Variants in UBR1 observed in about 807,000 individuals in gnomAD.
UBR1 encodes the protein E3 ubiquitin-protein ligase UBR1.
A neutral mutation model predicts 242.1 loss-of-function variants in UBR1; 102 were observed. The ratio of observed to expected loss-of-function variants is 0.42; its 90% CI spans 0.36 to 0.50. The LOEUF is 0.50. Ranked by LOEUF, UBR1 falls within the 20% of genes least tolerant of loss-of-function variation. The probability of loss-of-function intolerance (pLI) is 0.01; values close to 1 mark genes in which losing one functional copy is unlikely to be tolerated. For missense variants in UBR1, 1,772 were observed against 2,101.8 expected, an observed-to-expected ratio of 0.84 and a Z score of 3.07; for synonymous variants, 675 against 684.8, an observed-to-expected ratio of 0.99 and a Z score of 0.22.
chr15:43,014,550 G>A (rs544565571), intron 29 of UBR1, among the ~76,000 whole-genome samples: 79 of 150,682 alleles, frequency 5.2e-4, no homozygotes. Context: ...TCTGGGATGT[G>A]AGTGCCTCTG....
chr15:43,077,670 A>AT (rs1204280845), intron 3 of UBR1, among the ~76,000 whole-genome samples: 49 of 151,592 alleles, frequency 3.2e-4, no homozygotes, highest in African/African-American at 1.1e-3. Context: ...TCTGAGAAAA[A>AT]AAAAAATAAA....
rs62020698 is a variant in UBR1 at position 42,945,216 on chromosome 15, C to T, written c.*113G>A. On this transcript the variant is annotated 3_prime_UTR_variant, in exon 47 of 47. Transcript: ENST00000290650. ...TTTTATTGATGTAAGTGAACCTGGA[C>T]ATGGAGCAAAAGACCCTCCAATACT... 109,050 of 1,415,250 alleles carry T rather than the reference C, an allele frequency of 0.077. 4,942 individuals carry two copies. The highest frequency in any genetic ancestry group is 0.092 in the Non-Finnish European group (93,221 of 1,013,892). 87.7% of individuals were successfully genotyped at this position (1,415,250 alleles called of 1,614,324 possible). A position where few individuals can be genotyped will look rare whatever the true frequency, so the allele number is the denominator to read the frequency against.
At position 43,008,642 on chromosome 15, in the gene UBR1, T is replaced by C. The variant is rs557553695; in HGVS notation, c.3210-1358A>G. The stretch of plus-strand genomic sequence containing the variant: ...GAATGGCCTGAAGCCTGGGGACCGG[T>C]ATGTCAGTTACAGGTGGAATCCACA... On this transcript the variant is annotated intron_variant, in intron 29 of 46. Transcript: ENST00000290650. 1.3e-3 allele frequency among the ~76,000 whole-genome samples: 203 copies of C among 152,310 alleles called. 1 individual carries two copies. The highest frequency in any genetic ancestry group is 2.3e-3 in the Non-Finnish European group (159 of 68,020).
chr15:43,029,125 G>GCACACACACACACACACACA lies in UBR1; in HGVS notation c.2379+818_2379+819insTGTGTGTGTGTGTGTGTGTG, dbSNP rs144923922. On this transcript the variant is annotated intron_variant, in intron 21 of 46. Coordinates refer to ENST00000290650, the MANE Select transcript of UBR1 (RefSeq NM_174916.3). ...TAAATAAAAACAAATACACACACAC[G>GCACACACACACACACACACA]CACACACACACACATCTCTATTCTA... Among the ~76,000 whole-genome samples the GCACACACACACACACACACA allele has an allele frequency of 2.4e-3, 361 of 151,066 alleles. 2 individuals are homozygous for GCACACACACACACACACACA. The highest frequency in any genetic ancestry group is 8.4e-3 in the African/African-American group (346 of 41,110).
At chr15:42,948,738 C>T (rs947297568) in intron 46 of UBR1, among the ~76,000 whole-genome samples, 4 of 152,308 alleles carry the variant, frequency 2.6e-5, no homozygotes, top group South Asian at 4.1e-4. Flanking sequence ...TGAGATACCA[C>T]CTCACACTAG....
At chr15:43,003,765 G>T in intron 31 of UBR1, 72 bp downstream of exon 31, 1 of 1,334,266 alleles carries the variant, frequency 7.5e-7, no homozygotes, top group Non-Finnish European at 1.1e-6. Context: ...GAGAAAACAT[G>T]CCTTTTTGTG....
At chr15:43,019,818 C>G (rs2033082022) in intron 27 of UBR1, among the ~76,000 whole-genome samples, 1 of 148,842 alleles carries the variant, frequency 6.7e-6, no homozygotes, top group Admixed American at 6.7e-5. Flanking sequence ...CTTGGCCAGG[C>G]TGGTCTTGAA....
chr15:43,038,282 T>C (rs2033363927), intron 15 of UBR1, 50 bp from the exon 16 acceptor site: 1 of 1,549,298 alleles, frequency 6.5e-7, no homozygotes, highest in Non-Finnish European at 8.9e-7. Flanking sequence ...CCCAATTTGT[T>C]AACTAGTTAA....
intron 35 of UBR1, among the ~76,000 whole-genome samples, chr15:42,987,551 T>C (rs1346568469): frequency 6.6e-6 from 1 of 151,748 alleles, no homozygotes; most frequent in African/African-American, 2.4e-5. Flanking sequence ...CCGTCTCTAC[T>C]AAAAATACAA....
At chr15:43,021,158 T>A in intron 27 of UBR1, 117 bp downstream of exon 27, 1 of 722,622 alleles carries the variant, frequency 1.4e-6, no homozygotes, top group Non-Finnish European at 2.4e-6. Flanking sequence ...GAAAAATAAG[T>A]GATTATGAAA....
intron 1 of UBR1, among the ~76,000 whole-genome samples, chr15:43,105,740 T>G (rs2034288780): frequency 6.6e-6 from 1 of 152,120 alleles, no homozygotes; most frequent in Non-Finnish European, 1.5e-5. Flanking sequence ...GAATAATACA[T>G]AACAAAGTCA....
chr15:43,086,951 G>A (rs1263030300), intron 1 of UBR1, among the ~76,000 whole-genome samples: 1 of 152,140 alleles, frequency 6.6e-6, no homozygotes, highest in Non-Finnish European at 1.5e-5. Flanking sequence ...AGGCTGTAGC[G>A]TGTGCCTGTG....
chr15:43,055,079 A>C (rs532299603), intron 11 of UBR1, among the ~76,000 whole-genome samples, 180 bp from the exon 12 acceptor site: 4 of 152,310 alleles, frequency 2.6e-5, no homozygotes, highest in African/African-American at 9.6e-5. Context: ...TAAAAGAAAA[A>C]ATTCCCTACT....
chr15:43,025,397 T>C lies in UBR1; in HGVS notation c.2568A>G (p.Gln856=). ...ACTTTTTACCTTCATCTTTGTTTTCTTGTTTTCTCCTTTTCTTCTGCATAT... is the reference window on the plus strand; with the variant it reads ...ACTTTTTACCTTCATCTTTGTTTTCCTGTTTTCTCCTTTTCTTCTGCATAT... The part of the protein sequence containing the change: ...AEHMQKKRRK[Q]ENKDEALPPP... Residue 856 remains glutamine (Q), a synonymous_variant, in exon 24 of 47, where the codon CAA becomes CAG. Coordinates refer to ENST00000290650, the MANE Select transcript of UBR1 (RefSeq NM_174916.3). The C allele has an allele frequency of 6.2e-7, 1 of 1,609,376 alleles. No individual in the cohort carries two copies. The highest frequency in any genetic ancestry group is 8.5e-7 in the Non-Finnish European group (1 of 1,177,650).
intron 30 of UBR1, among the ~76,000 whole-genome samples, chr15:43,005,549 T>G (rs1009752142): frequency 3.3e-5 from 5 of 151,896 alleles, no homozygotes; most frequent in African/African-American, 1.2e-4. Flanking sequence ...GTCTGGGAAG[T>G]GAGGAGCCCC....
intron 3 of UBR1, among the ~76,000 whole-genome samples, chr15:43,077,647 A>G (rs1334837402): frequency 1.8e-4 from 27 of 146,212 alleles, no homozygotes; most frequent in African/African-American, 6.7e-4. Flanking sequence ...ATGATCAATT[A>G]AAAAAAAAAA....
intron 1 of UBR1, 76 bp from the exon 2 acceptor site, chr15:43,086,316 T>A: frequency 1.3e-6 from 2 of 1,526,124 alleles, no homozygotes; most frequent in Non-Finnish European, 8.9e-7. Flanking sequence ...AATAATGACA[T>A]AATTCTACAA....
intron 46 of UBR1, 138 bp downstream of exon 46, chr15:42,950,124 C>A: frequency 2.4e-6 from 2 of 821,280 alleles, no homozygotes; most frequent in Non-Finnish European, 4.1e-6. Flanking sequence ...CAGGTATAAG[C>A]CACGGTGTCT....
At chr15:43,002,435 GGTCTC>G in intron 32 of UBR1, 115 bp downstream of exon 32, 1 of 1,126,372 alleles carries the variant, frequency 8.9e-7, no homozygotes, top group Non-Finnish European at 1.3e-6. Context: ...TACCCAGGCT[GGTCTC>G]GAACCCCTGA....
Sources: allele counts gnomAD v4.1 joint callset (sites outside exome capture counted in the v4.1 genomes callset), GRCh38; gene constraint gnomAD v4.1.1; transcripts MANE v1.5; gene names NCBI Gene and HGNC (gene_info 2026-07-23, HGNC 2026-07-21).